ERBB4: variants seen among roughly 807,000 people sequenced by gnomAD.
ERBB4 encodes the protein receptor tyrosine-protein kinase erbB-4.
ERBB4 carries 42 observed loss-of-function variants against 158.0 expected under a neutral mutation model. The ratio of observed to expected loss-of-function variants is 0.27; its 90% confidence interval spans 0.21 to 0.34. The LOEUF (loss-of-function observed/expected upper bound fraction) is 0.34, where lower values mean the gene tolerates loss of function less well. Among genes scored for constraint, ERBB4 ranks in the 10% least tolerant of loss-of-function variants. The probability of loss-of-function intolerance (pLI) is 1.00; values close to 1 mark genes in which losing one functional copy is unlikely to be tolerated. For missense variants in ERBB4, 1,333 were observed against 1,624.1 expected, an observed-to-expected ratio of 0.82 and a Z score of 3.08; for synonymous variants, 583 against 558.7, an observed-to-expected ratio of 1.04 and a Z score of -0.61.
At position 211,710,490 on chromosome 2, in the gene ERBB4, G is replaced by T. The variant is rs528325597; in HGVS notation, c.1124+1560C>A. On this transcript the variant is annotated intron_variant, in intron 9 of 27. Coordinates refer to ENST00000342788, the MANE Select transcript of ERBB4 (RefSeq NM_005235.3). Reference sequence around the variant, plus strand: ...TCTCCTATGCAATGGGGCAAGGAGGGTAAGACAGCAATGTAAATGGACTCA... The same window carrying T: ...TCTCCTATGCAATGGGGCAAGGAGGTTAAGACAGCAATGTAAATGGACTCA... 4.6e-5 allele frequency among the ~76,000 whole-genome samples: 7 copies of T among 152,256 alleles called. No homozygotes were observed. The South Asian group carries it at 1.5e-3, about 32-fold the overall frequency.
intron 1 of ERBB4, among the ~76,000 whole-genome samples, chr2:212,417,599 T>C (rs1317019392): frequency 6.6e-6 from 1 of 152,044 alleles, no homozygotes; most frequent in East Asian, 1.9e-4. Context: ...TAAGGGATAT[T>C]CAACCTGTAA....
intron 1 of ERBB4, among the ~76,000 whole-genome samples, chr2:212,380,176 T>A (rs1488773668): frequency 1.3e-5 from 2 of 151,298 alleles, no homozygotes; most frequent in Admixed American, 1.3e-4. Flanking sequence ...GGGTTCCACA[T>A]CTGTAGACTC....
chr2:212,396,710 A>G (rs2091035512), intron 1 of ERBB4, among the ~76,000 whole-genome samples: 2 of 152,154 alleles, frequency 1.3e-5, no homozygotes, highest in Non-Finnish European at 2.9e-5. Flanking sequence ...AGCAGACCCA[A>G]ACCAATTATT....
intron 2 of ERBB4, among the ~76,000 whole-genome samples, chr2:212,013,769 G>A (rs1179441357): frequency 6.6e-6 from 1 of 152,168 alleles, no homozygotes; most frequent in African/African-American, 2.4e-5. Context: ...CAATCCTCCT[G>A]CATCAGCCTC....
At chr2:211,826,443 A>G (rs969902487) in intron 3 of ERBB4, among the ~76,000 whole-genome samples, 12 of 151,826 alleles carry the variant, frequency 7.9e-5, no homozygotes, top group Non-Finnish European at 1.3e-4. Flanking sequence ...GCAGGTCCCT[A>G]TTGTGTTTCC....
At chr2:211,584,415 A>G (rs2068201104) in intron 19 of ERBB4, among the ~76,000 whole-genome samples, 1 of 152,126 alleles carries the variant, frequency 6.6e-6, no homozygotes, top group Admixed American at 6.6e-5. Context: ...ACGAAATAGC[A>G]TATACCATAA....
chr2:212,538,648 C>G lies in ERBB4; in HGVS notation c.-118G>C, dbSNP rs915530434. 1 of 1,008,668 alleles carries G rather than the reference C, an allele frequency of 9.9e-7. No individual in the cohort carries two copies. The highest frequency in any genetic ancestry group is 1.6e-5 in the African/African-American group (1 of 61,376). The allele number at this position is 1,008,668 out of a possible 1,614,324, so 62.5% of individuals were successfully genotyped here. A position where few individuals can be genotyped will look rare whatever the true frequency, so the allele number is the denominator to read the frequency against. ...CGCGTGGGGGTGCGAGGGGGGCGGG[C>G]GCGGCGCGCGCGGTGTGGCGACTCC... On this transcript the variant is annotated 5_prime_UTR_variant, in exon 1 of 28. Transcript: ENST00000342788.
intron 20 of ERBB4, among the ~76,000 whole-genome samples, chr2:211,469,910 TG>T (rs886924987): frequency 6.6e-6 from 1 of 151,612 alleles, no homozygotes; most frequent in Non-Finnish European, 1.5e-5. Context: ...TAAGTGGGCT[TG>T]GGGGGGGAGA....
At chr2:212,046,019 C>T (rs1315633875) in intron 2 of ERBB4, among the ~76,000 whole-genome samples, 2 of 152,160 alleles carry the variant, frequency 1.3e-5, no homozygotes, top group East Asian at 1.9e-4. Context: ...CTCATTCAAG[C>T]TATCACAATT....
chr2:211,867,953 A>G (rs2078250075), intron 3 of ERBB4, among the ~76,000 whole-genome samples: 1 of 152,186 alleles, frequency 6.6e-6, no homozygotes, highest in African/African-American at 2.4e-5. Context: ...TTCCTTTTCA[A>G]TGAAAAGCAT....
In ERBB4 at chr2:212,144,238, C is replaced by G. The variant is rs73071233; in HGVS notation, c.83-19335G>C. On this transcript the variant is annotated intron_variant, in intron 1 of 27. Coordinates refer to ENST00000342788, the MANE Select transcript of ERBB4 (RefSeq NM_005235.3). ...TATACTCACATTAATACACGTATGA[C>G]CCTCTTTGGCAATTGTGTTAAATAT... is the stretch of plus-strand genomic sequence containing the variant. Among the ~76,000 whole-genome samples the G allele has an allele frequency of 3.5e-3, 538 of 152,068 alleles. 2 individuals carry two copies. Among genetic ancestry groups the G allele is most frequent in the African/African-American group, 0.012 (513 of 41,502 alleles).
At chr2:211,864,795 G>A (rs191229142) in intron 3 of ERBB4, among the ~76,000 whole-genome samples, 85 of 152,122 alleles carry the variant, frequency 5.6e-4, no homozygotes, top group African/African-American at 1.8e-3. Context: ...GTAAAACCCC[G>A]TCGCTACTAA....
chr2:211,800,046 T>G (rs1433356584), intron 3 of ERBB4, among the ~76,000 whole-genome samples: 3 of 152,182 alleles, frequency 2.0e-5, no homozygotes, highest in Non-Finnish European at 4.4e-5. Context: ...TCACAATCAC[T>G]AAATATAGAA....
chr2:211,838,152 C>T (rs2077382852), intron 3 of ERBB4, among the ~76,000 whole-genome samples: 1 of 152,002 alleles, frequency 6.6e-6, no homozygotes, highest in Admixed American at 6.6e-5. Flanking sequence ...GTTCGCTTTC[C>T]ATGTATTGCA....
At chr2:212,400,764 C>G (rs2091179084) in intron 1 of ERBB4, among the ~76,000 whole-genome samples, 1 of 152,148 alleles carries the variant, frequency 6.6e-6, no homozygotes, top group South Asian at 2.1e-4. Context: ...ATATTTTCAA[C>G]TGACCATTAT....
At chr2:212,372,876 A>G (rs1356773738) in intron 1 of ERBB4, among the ~76,000 whole-genome samples, 1 of 152,192 alleles carries the variant, frequency 6.6e-6, no homozygotes, top group African/African-American at 2.4e-5. Flanking sequence ...TGCTCATCCC[A>G]TGCCTGGAAC....
chr2:211,551,589 A>C (rs73985484), intron 20 of ERBB4, among the ~76,000 whole-genome samples: 38,139 of 152,066 alleles, frequency 0.25, 5,818 homozygotes, highest in African/African-American at 0.43. Flanking sequence ...TGAATATATT[A>C]ATAAGTGCCA....
chr2:212,459,512 G>C (rs1285614863), intron 1 of ERBB4, among the ~76,000 whole-genome samples: 1 of 152,056 alleles, frequency 6.6e-6, no homozygotes, highest in Non-Finnish European at 1.5e-5. Flanking sequence ...CTGTGAAAAT[G>C]ACCATACTAC....
chr2:212,060,732 G>A (rs917687660), intron 2 of ERBB4, among the ~76,000 whole-genome samples: 39 of 149,284 alleles, frequency 2.6e-4, no homozygotes, highest in Non-Finnish European at 4.3e-4. Context: ...ACACCACATG[G>A]TCTCACTCAT....
Sources: allele counts gnomAD v4.1 joint callset (sites outside exome capture counted in the v4.1 genomes callset), GRCh38; gene constraint gnomAD v4.1.1; transcripts MANE v1.5; gene names NCBI Gene and HGNC (gene_info 2026-07-23, HGNC 2026-07-21).